The following GRIK4 variants were observed in gnomAD, a reference collection of about 807,000 sequenced individuals.
GRIK4 encodes the protein glutamate ionotropic receptor kainate type subunit 4.
A neutral mutation model predicts 104.9 loss-of-function variants in GRIK4; 40 were observed. The ratio of observed to expected loss-of-function variants is 0.38; its 90% CI spans 0.30 to 0.50. The LOEUF is 0.50. Ranked by LOEUF, GRIK4 falls within the 20% of genes least tolerant of loss-of-function variation. The pLI, the probability that GRIK4 is intolerant of heterozygous loss-of-function variation, is 0.93. For missense variants in GRIK4, 1,047 were observed against 1,308.1 expected (o/e 0.80, Z 3.08); for synonymous variants, 485 against 524.9 (o/e 0.92, Z 1.04).
In GRIK4 at chr11:120,905,465, C is replaced by T. The variant is rs1336943163; in HGVS notation, c.1448C>T (p.Thr483Met). Residue 483 changes from threonine (T) to methionine (M), a missense_variant, in exon 13 of 21, where the codon ACG (threonine) becomes ATG (methionine). By Grantham distance (81) the Thr-to-Met change is moderately conservative. Around this residue, in one of 3 missense-constraint regions of GRIK4, gnomAD observed 440 missense variants for 652.3 expected, o/e 0.67. Transcript: ENST00000527524. The surrounding 1 kb of genome is among the most constrained non-coding windows in gnomAD (Gnocchi z 5.1). ...GTTCCCGAGGCCAACGGCACCTGGA[C>T]GGGAATGGTCGGGGAGCTGATCGCT... The part of the protein sequence containing the change: ...YGVPEANGTW[T>M]GMVGELIARK... The T allele has an allele frequency of 4.4e-6, 6 of 1,348,368 alleles. No homozygotes were observed. Among genetic ancestry groups the T allele is most frequent in the East Asian group, 4.8e-5 (1 of 20,636 alleles). The allele number at this position is 1,348,368 out of a possible 1,614,324, so 83.5% of individuals were successfully genotyped here.
At chr11:120,611,916 T>A (rs1949043195) in intron 1 of GRIK4, among the ~76,000 whole-genome samples, 1 of 152,142 alleles carries the variant, frequency 6.6e-6, no homozygotes, top group African/African-American at 2.4e-5. Context: ...AATCCTGAGT[T>A]CTTTTGTGCA....
chr11:120,604,171 C>CAAA (rs59469495), intron 1 of GRIK4, among the ~76,000 whole-genome samples: 22 of 51,802 alleles, frequency 4.2e-4, no homozygotes, highest in African/African-American at 1.4e-3. Flanking sequence ...GACTCCTTCT[C>CAAA]AAAAAAAAAA....
At chr11:120,900,874 C>T (rs966167301) in intron 12 of GRIK4, among the ~76,000 whole-genome samples, 1 of 152,158 alleles carries the variant, frequency 6.6e-6, no homozygotes, top group African/African-American at 2.4e-5. Context: ...GTTGCGGTGT[C>T]GCTGTCCAGC....
Position 120,653,128 on chromosome 11 carries a change from T to G in GRIK4, c.-158-557T>G, listed in dbSNP as rs552218410. Among the ~76,000 whole-genome samples, 4 of 152,372 alleles carry G rather than the reference T, an allele frequency of 2.6e-5. No homozygotes were observed. In the South Asian group the frequency reaches 8.3e-4, roughly 32 times the overall value. ...ATGCATGCATTTGACAGTATTTATG[T>G]GTAGCTGCTGCATGCCAGGCACTGT... On this transcript the variant is annotated intron_variant, in intron 1 of 20. Transcript: ENST00000527524.
rs186428154 is a variant in GRIK4 at position 120,956,627 on chromosome 11, T to A, written c.1701-153T>A. Among the ~76,000 whole-genome samples, 27 of 152,310 alleles carry A rather than the reference T, an allele frequency of 1.8e-4. No homozygotes were observed. The highest frequency in any genetic ancestry group is 1.3e-3 in the Admixed American group (20 of 15,304). ...CAACCCACTTATTTTATTTTATTTT[T>A]TTTTTGGTTGCGAAACTCCAAGTCC... On this transcript the variant is annotated intron_variant, in intron 15 of 20. Coordinates refer to ENST00000527524, the MANE Select transcript of GRIK4 (RefSeq NM_014619.5). The surrounding 1 kb of genome is among the most constrained non-coding windows in gnomAD (Gnocchi z 4.6).
At chr11:120,619,915 T>G in intron 1 of GRIK4, 1 of 346,404 alleles carries the variant, frequency 2.9e-6, no homozygotes. Context: ...TAACAGTGTA[T>G]TATAATTTAT....
chr11:120,628,122 G>A (rs1393508069), intron 1 of GRIK4, among the ~76,000 whole-genome samples: 1 of 152,200 alleles, frequency 6.6e-6, no homozygotes, highest in Non-Finnish European at 1.5e-5. Flanking sequence ...GTGGCAGAGG[G>A]TGTGCTCCCA....
At chr11:120,770,638 T>C (rs1951923368) in intron 3 of GRIK4, among the ~76,000 whole-genome samples, 1 of 152,218 alleles carries the variant, frequency 6.6e-6, no homozygotes, top group Non-Finnish European at 1.5e-5. Context: ...GTGAGAGACT[T>C]TGACTCTGGG....
At chr11:120,632,629 T>C (rs916375432) in intron 1 of GRIK4, among the ~76,000 whole-genome samples, 1 of 152,152 alleles carries the variant, frequency 6.6e-6, no homozygotes, top group African/African-American at 2.4e-5. Context: ...TTTATCTTGC[T>C]GAAAACTTGG....
intron 1 of GRIK4, among the ~76,000 whole-genome samples, chr11:120,554,651 C>T (rs776685657): frequency 4.6e-5 from 7 of 152,166 alleles, no homozygotes; most frequent in East Asian, 1.9e-4. Context: ...CTCCGCCTCC[C>T]GGGTTCAAGC....
At chr11:120,565,669 C>T (rs535106009) in intron 1 of GRIK4, among the ~76,000 whole-genome samples, 125 of 152,294 alleles carry the variant, frequency 8.2e-4, no homozygotes, top group Non-Finnish European at 1.6e-3. Flanking sequence ...CGCCCGGCAG[C>T]GCTCACGGTT....
At chr11:120,676,286 T>C (rs1950098171) in intron 3 of GRIK4, among the ~76,000 whole-genome samples, 1 of 152,214 alleles carries the variant, frequency 6.6e-6, no homozygotes, top group South Asian at 2.1e-4. Context: ...TCTCCCAGGA[T>C]AAGCCAGGAT....
intron 11 of GRIK4, among the ~76,000 whole-genome samples, chr11:120,884,531 C>A (rs767010277): frequency 3.9e-5 from 6 of 152,206 alleles, no homozygotes; most frequent in Non-Finnish European, 8.8e-5. Flanking sequence ...TTCAGGATGG[C>A]CTCCCCACAG....
chr11:120,608,322 A>G (rs551198090), intron 1 of GRIK4, among the ~76,000 whole-genome samples: 1 of 152,300 alleles, frequency 6.6e-6, no homozygotes, highest in South Asian at 2.1e-4. Flanking sequence ...CCCCATCTAT[A>G]CAAAAAGTAT....
chr11:120,523,610 A>G (rs61900870), intron 1 of GRIK4, among the ~76,000 whole-genome samples: 11,261 of 152,282 alleles, frequency 0.074, 461 homozygotes, highest in Middle Eastern at 0.092. Flanking sequence ...GGACAAGGGA[A>G]AACACAGATG....
intron 3 of GRIK4, among the ~76,000 whole-genome samples, chr11:120,798,464 GT>G (rs1405760214): frequency 6.6e-6 from 1 of 151,824 alleles, no homozygotes; most frequent in African/African-American, 2.4e-5. Context: ...GCCAGGTTTT[GT>G]TTTTGTTTTT....
intron 1 of GRIK4, among the ~76,000 whole-genome samples, chr11:120,590,606 A>G (rs950958759): frequency 2.6e-5 from 4 of 152,200 alleles, no homozygotes; most frequent in African/African-American, 9.6e-5. Flanking sequence ...AAATGGATGA[A>G]TAAATATGCT....
At chr11:120,835,261 C>T (rs1214646190) in intron 7 of GRIK4, among the ~76,000 whole-genome samples, 1 of 152,210 alleles carries the variant, frequency 6.6e-6, no homozygotes, top group Admixed American at 6.5e-5. Flanking sequence ...GGCGCGGTGC[C>T]TCACGCCTGT....
At chr11:120,625,942 G>A (rs951448794) in intron 1 of GRIK4, among the ~76,000 whole-genome samples, 2 of 152,110 alleles carry the variant, frequency 1.3e-5, no homozygotes, top group African/African-American at 2.4e-5. Context: ...CTTCTGATAA[G>A]GGACCTGACC....
Sources: allele counts gnomAD v4.1 joint callset (sites outside exome capture counted in the v4.1 genomes callset), GRCh38; gene constraint gnomAD v4.1.1; regional missense constraint gnomAD v4.1.1; non-coding constraint Gnocchi (gnomAD v3.1); transcripts MANE v1.5; gene names NCBI Gene and HGNC (gene_info 2026-07-23, HGNC 2026-07-21).